The following ALDH1L1 variants were observed in gnomAD, a reference collection of about 807,000 sequenced individuals.
ALDH1L1 encodes the protein cytosolic 10-formyltetrahydrofolate dehydrogenase.
Under a neutral mutation model 101.1 loss-of-function variants are expected in ALDH1L1, and 68 were observed. The ratio of observed to expected loss-of-function variants is 0.67; its 90% CI spans 0.55 to 0.82. The LOEUF is 0.82. Among genes scored for constraint, ALDH1L1 ranks in the 40% least tolerant of loss-of-function variants. The pLI is 0.00. For synonymous variants in ALDH1L1, 486 were observed against 470.8 expected (o/e 1.03, Z -0.42); for missense variants, 1,087 against 1,172.7 (o/e 0.93, Z 1.07).
At chr3:126,146,221 G>A (rs1251042140) in intron 9 of ALDH1L1, among the ~76,000 whole-genome samples, 1 of 152,156 alleles carries the variant, frequency 6.6e-6, no homozygotes, top group Non-Finnish European at 1.5e-5. Flanking sequence ...AGCTGGACCT[G>A]TTCTGTGACT....
chr3:126,150,696 C>T (rs930414221), intron 7 of ALDH1L1, 165 bp from the exon 8 acceptor site: 88 of 735,210 alleles, frequency 1.2e-4, no homozygotes, highest in Non-Finnish European at 1.7e-4. Context: ...GCTGGGATTA[C>T]AGGCGCGCAC....
At chr3:126,135,336 A>C (rs543321162) in intron 12 of ALDH1L1, 199 bp downstream of exon 12, 2 of 590,942 alleles carry the variant, frequency 3.4e-6, no homozygotes, top group African/African-American at 3.9e-5. Flanking sequence ...CCTGTTTCTC[A>C]TATCCCTTCC....
chr3:126,104,450 G>T (rs1344733669), intron 22 of ALDH1L1: 1 of 156,024 alleles, frequency 6.4e-6, no homozygotes, highest in African/African-American at 2.4e-5. Context: ...GTCCCAGGAG[G>T]GTGCTGGTCC....
chr3:126,186,649 C>G (rs550518104), intron 1 of ALDH1L1, among the ~76,000 whole-genome samples: 1 of 151,118 alleles, frequency 6.6e-6, no homozygotes, highest in East Asian at 2.0e-4. Flanking sequence ...CCTCCCTCAC[C>G]TCATGTCCTT....
At chr3:126,137,003 T>C (rs544817902) in intron 10 of ALDH1L1, 120 bp from the exon 11 acceptor site, 106 of 1,404,108 alleles carry the variant, frequency 7.5e-5, no homozygotes, top group Middle Eastern at 7.3e-4. Context: ...CAGAGCTGCA[T>C]GTAGGCAACA....
At position 126,157,331 on chromosome 3, in the gene ALDH1L1, C is replaced by T. The variant is rs770451863; in HGVS notation, c.528+12G>A. The T allele has an allele frequency of 6.9e-6, 11 of 1,604,492 alleles. No homozygotes were observed. Among genetic ancestry groups the T allele is most frequent in the Admixed American group, 1.7e-5 (1 of 59,676 alleles). On this transcript the variant is annotated intron_variant, in intron 4 of 22. Transcript: ENST00000393434. ...CGGGGCGGGCAGGGCGCGGCCGGCT[C>T]CAGGTCCTCACCATCCCTTTGATGC...
At chr3:126,170,641 C>T (rs1169731935) in intron 1 of ALDH1L1, among the ~76,000 whole-genome samples, 1 of 152,124 alleles carries the variant, frequency 6.6e-6, no homozygotes, top group Non-Finnish European at 1.5e-5. Context: ...TCTCCACCCC[C>T]GCATCAGCAG....
upstream of ALDH1L1, chr3:126,181,242 T>C (rs1030883216): frequency 1.0e-5 from 6 of 576,258 alleles, no homozygotes; most frequent in African/African-American, 5.6e-5. Context: ...CAAGGCCATG[T>C]AGAATGCCGG....
intron 1 of ALDH1L1, among the ~76,000 whole-genome samples, chr3:126,167,906 T>A (rs187210403): frequency 7.6e-4 from 115 of 152,312 alleles, no homozygotes; most frequent in Non-Finnish European, 1.4e-3. Flanking sequence ...TCAGTGTTTT[T>A]AGTTTCAAGT....
At chr3:126,186,024 G>C (rs1389038536), upstream of ALDH1L1, among the ~76,000 whole-genome samples, 1 of 152,074 alleles carries the variant, frequency 6.6e-6, no homozygotes, top group Non-Finnish European at 1.5e-5. Flanking sequence ...GGTGCCAGGG[G>C]CCATGGGGAG....
rs1036713347 is a variant in ALDH1L1 at position 126,159,391 on chromosome 3, C to T, written c.128-752G>A. 9 of 456,046 alleles carry T rather than the reference C, an allele frequency of 2.0e-5. No individual in the cohort carries two copies. The East Asian group carries it at 6.3e-4, about 32-fold the overall frequency. The allele number at this position is 456,046 out of a possible 1,614,324, so 28.2% of individuals were successfully genotyped here. A position where few individuals can be genotyped will look rare whatever the true frequency, so the allele number is the denominator to read the frequency against. ...CTTTATCTTAGCCTTACAGTGGCAG[C>T]TGCTTCCTGCAGTCGCTGTCCCCAA... On this transcript the variant is annotated intron_variant, in intron 2 of 22. Coordinates refer to ENST00000393434, the MANE Select transcript of ALDH1L1 (RefSeq NM_012190.4).
intron 1 of ALDH1L1, among the ~76,000 whole-genome samples, chr3:126,194,437 T>C (rs1467500529): frequency 6.6e-6 from 1 of 152,212 alleles, no homozygotes; most frequent in African/African-American, 2.4e-5. Flanking sequence ...GGAAAGCCTA[T>C]CAAATATGTT....
chr3:126,117,286 AG>A (rs140801937), intron 17 of ALDH1L1, among the ~76,000 whole-genome samples: 12,094 of 151,790 alleles, frequency 0.08, 705 homozygotes, highest in African/African-American at 0.16. Context: ...TAATCCTAAT[AG>A]TATATTTTAT....
Position 126,107,173 on chromosome 3 carries a change from C to T in ALDH1L1, c.2421G>A (p.Gly807=), listed in dbSNP as rs776699198. The T allele has an allele frequency of 6.2e-7, 1 of 1,614,066 alleles. No individual in the cohort carries two copies. Among genetic ancestry groups the T allele is most frequent in the Admixed American group, 1.7e-5 (1 of 60,014 alleles). The change falls in exon 21 of 23, where the codon GGG becomes GGA. Residue 807 remains glycine, a synonymous_variant. Transcript: ENST00000393434. ...CAAACCGAGAGATGATCATGACAGG[C>T]CCGAAGGACTCCTCCTTGGCTATGA... ...HMFIAKEESF[G]PVMIISRFAD... is the part of the protein sequence containing the mutation.
At chr3:126,159,541 C>T (rs988054208) in intron 2 of ALDH1L1, 1 of 456,624 alleles carries the variant, frequency 2.2e-6, no homozygotes. Context: ...TCTCCGGTCT[C>T]CTCCTCTGTC....
intron 16 of ALDH1L1, among the ~76,000 whole-genome samples, chr3:126,120,691 G>T (rs1238323100): frequency 6.6e-6 from 1 of 152,156 alleles, no homozygotes; most frequent in East Asian, 1.9e-4. Flanking sequence ...CTGTGTCTGT[G>T]TGGGGGCAGG....
At chr3:126,131,691 C>T (rs968528101) in intron 12 of ALDH1L1, among the ~76,000 whole-genome samples, 157 bp from the exon 13 acceptor site, 1 of 152,248 alleles carries the variant, frequency 6.6e-6, no homozygotes, top group Admixed American at 6.5e-5. Flanking sequence ...ATGCAATGGG[C>T]CAGCACCGTT....
chr3:126,155,473 T>G lies in ALDH1L1; in HGVS notation c.559A>C (p.Lys187Gln). ...VQAVRLIAEG[K>Q]APRLPQPEEG... ...TCAGGCTGAGGGAGTCTGGGGGCTTTGCCCTCAGCGATCAGCCTCACGGCC... is the reference window on the plus strand; with the variant it reads ...TCAGGCTGAGGGAGTCTGGGGGCTTGGCCCTCAGCGATCAGCCTCACGGCC... Residue 187 changes from lysine (K) to glutamine (Q), a missense_variant, in exon 5 of 23, where the codon AAA (lysine) becomes CAA (glutamine). Lys to Gln is a moderately conservative substitution (Grantham distance 53). Coordinates refer to ENST00000393434, the MANE Select transcript of ALDH1L1 (RefSeq NM_012190.4). 1 of 1,613,110 alleles carries G rather than the reference T, an allele frequency of 6.2e-7. No individual in the cohort carries two copies. The highest frequency in any genetic ancestry group is 1.6e-4 in the Middle Eastern group (1 of 6,062).
intron 6 of ALDH1L1, among the ~76,000 whole-genome samples, chr3:126,154,182 C>T (rs896628273): frequency 2.3e-4 from 35 of 152,354 alleles, no homozygotes; most frequent in Middle Eastern, 3.4e-3. Context: ...GGCCTGCCCA[C>T]GGTCAGCCTG....
Sources: allele counts gnomAD v4.1 joint callset (sites outside exome capture counted in the v4.1 genomes callset), GRCh38; gene constraint gnomAD v4.1.1; transcripts MANE v1.5; gene names NCBI Gene and HGNC (gene_info 2026-07-23, HGNC 2026-07-21).